KCNQ5: variants seen among roughly 807,000 people sequenced by gnomAD.
KCNQ5 encodes potassium voltage-gated channel subfamily Q member 5, also known as potassium voltage-gated channel subfamily KQT member 5.
KCNQ5 carries 30 observed loss-of-function variants against 98.2 expected under a neutral mutation model. The observed-to-expected ratio is 0.31, with a 90% CI of 0.23 to 0.41. KCNQ5 has a LOEUF of 0.41. Ranked by LOEUF, KCNQ5 falls within the 10% of genes least tolerant of loss-of-function variation. KCNQ5 has a pLI of 1.00. For synonymous variants in KCNQ5, 458 were observed against 449.4 expected (o/e 1.02, Z -0.24); for missense variants, 835 against 1,182.5 (o/e 0.71, Z 4.31).
intron 1 of KCNQ5, among the ~76,000 whole-genome samples, chr6:72,810,209 G>A: frequency 6.6e-6 from 1 of 152,104 alleles, no homozygotes; most frequent in South Asian, 2.1e-4. Context: ...ATTTATGCAT[G>A]CTTCCTCAGG....
rs561480269 is a variant in KCNQ5 at position 73,077,395 on chromosome 6, A to G, written c.690A>G (p.Ala230=). 15 of 1,614,048 alleles carry G rather than the reference A, an allele frequency of 9.3e-6. No homozygotes were observed. Among genetic ancestry groups the G allele is most frequent in the Middle Eastern group, 1.6e-4 (1 of 6,084 alleles). The change falls in exon 4 of 14, where the codon GCA becomes GCG. Residue 230 remains alanine, a synonymous_variant. Coordinates refer to ENST00000370398, the MANE Select transcript of KCNQ5 (RefSeq NM_019842.4). ...KTQGNIFATS[A]LRSLRFLQIL... ...AGGGTAATATTTTTGCCACGTCTGC[A>G]CTCAGAAGTCTCCGTTTCCTACAGA...
At chr6:72,698,574 G>T (rs985357715) in intron 1 of KCNQ5, among the ~76,000 whole-genome samples, 1 of 150,688 alleles carries the variant, frequency 6.6e-6, no homozygotes, top group African/African-American at 2.4e-5. Context: ...ATGTTGAAAG[G>T]TTTTTAAATA....
At chr6:72,800,988 A>C (rs1426768563) in intron 1 of KCNQ5, among the ~76,000 whole-genome samples, 1 of 151,938 alleles carries the variant, frequency 6.6e-6, no homozygotes, top group Non-Finnish European at 1.5e-5. Context: ...GTGGTCTGAG[A>C]GACAGTTTGT....
Position 73,194,925 on chromosome 6 carries a change from T to G in KCNQ5, c.2310T>G (p.Pro770=). ...GGCCAGAAACTCTGCACCCTAACCCTGCAGGCTTACAGGAAAGCATTTCTG... is the reference window on the plus strand; with the variant it reads ...GGCCAGAAACTCTGCACCCTAACCCGGCAGGCTTACAGGAAAGCATTTCTG... ...LPRPETLHPN[P]AGLQESISDV... Residue 770 remains proline (P), a synonymous_variant, in exon 14 of 14, where the codon CCT becomes CCG. Coordinates refer to ENST00000370398, the MANE Select transcript of KCNQ5 (RefSeq NM_019842.4). 6.2e-7 allele frequency: 1 copy of G among 1,614,162 alleles called. No homozygotes were observed. Among genetic ancestry groups the G allele is most frequent in the Non-Finnish European group, 8.5e-7 (1 of 1,180,040 alleles).
intron 9 of KCNQ5, chr6:73,125,657 C>A: frequency 5.1e-6 from 1 of 196,698 alleles, no homozygotes; most frequent in Non-Finnish European, 1.0e-5. Context: ...TGTATTAAGG[C>A]TCTGGATTAT....
At chr6:72,676,913 G>C (rs1767441439) in intron 1 of KCNQ5, among the ~76,000 whole-genome samples, 1 of 147,256 alleles carries the variant, frequency 6.8e-6, no homozygotes, top group Non-Finnish European at 1.5e-5. Context: ...TTAATTCTTA[G>C]GTATAATTGA....
chr6:72,992,832 AG>A (rs1769109290), intron 1 of KCNQ5, among the ~76,000 whole-genome samples: 1 of 107,052 alleles, frequency 9.3e-6, no homozygotes, highest in Non-Finnish European at 1.8e-5. Context: ...GCTTCCTTCA[AG>A]AGCTCTTTTA....
chr6:73,177,121 G>A (rs779091885), intron 11 of KCNQ5, among the ~76,000 whole-genome samples: 2 of 152,212 alleles, frequency 1.3e-5, no homozygotes, highest in Non-Finnish European at 2.9e-5. Context: ...GTTAAATGCT[G>A]CTAAGAGGTC....
chr6:73,029,325 A>G (rs1373965723), intron 2 of KCNQ5, among the ~76,000 whole-genome samples: 1 of 152,140 alleles, frequency 6.6e-6, no homozygotes, highest in Non-Finnish European at 1.5e-5. Flanking sequence ...TGACAGAAAC[A>G]AAGGATACTC....
intron 1 of KCNQ5, among the ~76,000 whole-genome samples, chr6:72,972,506 C>T (rs547592420): frequency 1.3e-5 from 2 of 151,922 alleles, no homozygotes; most frequent in African/African-American, 4.8e-5. Flanking sequence ...CCCCTACCCC[C>T]CAACAAGCCC....
intron 1 of KCNQ5, among the ~76,000 whole-genome samples, chr6:72,911,178 G>A (rs1779928225): frequency 6.6e-6 from 1 of 152,176 alleles, no homozygotes; most frequent in South Asian, 2.1e-4. Context: ...AAAGAGTGGT[G>A]CAAAGGACAG....
At chr6:73,009,528 C>G (rs1769967901) in intron 2 of KCNQ5, among the ~76,000 whole-genome samples, 1 of 151,688 alleles carries the variant, frequency 6.6e-6, no homozygotes, top group Admixed American at 6.6e-5. Flanking sequence ...ACAAAGGAAA[C>G]AGTAAACATG....
At chr6:72,939,089 A>G (rs1766102297) in intron 1 of KCNQ5, among the ~76,000 whole-genome samples, 1 of 152,174 alleles carries the variant, frequency 6.6e-6, no homozygotes, top group Non-Finnish European at 1.5e-5. Context: ...CTTGTCTGGA[A>G]ATGTTGCCAA....
chr6:72,899,518 C>T (rs77977964), intron 1 of KCNQ5, among the ~76,000 whole-genome samples: 336 of 152,220 alleles, frequency 2.2e-3, no homozygotes, highest in African/African-American at 7.7e-3. Context: ...ACACATTCTG[C>T]ACTGTGTAAA....
chr6:72,760,944 A>G (rs1427684104), intron 1 of KCNQ5, among the ~76,000 whole-genome samples: 1 of 152,178 alleles, frequency 6.6e-6, no homozygotes, highest in African/African-American at 2.4e-5. Context: ...CTTTGAGTCC[A>G]TGGTCACAGC....
chr6:73,065,901 C>T (rs1269519165), intron 3 of KCNQ5, among the ~76,000 whole-genome samples: 1 of 152,208 alleles, frequency 6.6e-6, no homozygotes, highest in African/African-American at 2.4e-5. Context: ...AATCCCAGCA[C>T]TTTGGGAGGC....
chr6:72,658,149 A>G (rs1766288857), intron 1 of KCNQ5, among the ~76,000 whole-genome samples: 1 of 152,242 alleles, frequency 6.6e-6, no homozygotes, highest in African/African-American at 2.4e-5. Context: ...GTCTGTTTTG[A>G]GAGAATAAAT....
intron 1 of KCNQ5, among the ~76,000 whole-genome samples, chr6:72,764,254 AAACC>A (rs892781676): frequency 1.9e-4 from 29 of 152,002 alleles, no homozygotes; most frequent in African/African-American, 7.0e-4. Context: ...ACAAAAATAA[AAACC>A]AACCAACCAA....
chr6:72,784,456 G>A (rs1200179003), intron 1 of KCNQ5, among the ~76,000 whole-genome samples: 1 of 152,136 alleles, frequency 6.6e-6, no homozygotes, highest in East Asian at 1.9e-4. Context: ...ATAAACAATA[G>A]TTACTCTATG....
Sources: allele counts gnomAD v4.1 joint callset (sites outside exome capture counted in the v4.1 genomes callset), GRCh38; gene constraint gnomAD v4.1.1; transcripts MANE v1.5; gene names NCBI Gene and HGNC (gene_info 2026-07-23, HGNC 2026-07-21).